The following MCM4 variants were observed in gnomAD, a reference collection of about 807,000 sequenced individuals.
MCM4 encodes the protein DNA replication licensing factor MCM4.
MCM4 carries 60 observed loss-of-function variants against 88.7 expected under a neutral mutation model. The observed-to-expected ratio is 0.68, with a 90% CI of 0.55 to 0.84. MCM4 has a LOEUF of 0.84. Ranked by LOEUF, MCM4 falls within the 40% of genes least tolerant of loss-of-function variation. MCM4 has a pLI of 0.00. For synonymous variants in MCM4, 465 were observed against 410.5 expected, an observed-to-expected ratio of 1.13 and a Z score of -1.61; for missense variants, 1,149 against 1,105.5, an observed-to-expected ratio of 1.04 and a Z score of -0.56.
chr8:47,976,034 C>G lies in MCM4; in HGVS notation c.2499+186C>G, dbSNP rs150230360. On this transcript the variant is annotated intron_variant, in intron 16 of 16. Coordinates refer to ENST00000649973, the MANE Select transcript of MCM4 (RefSeq NM_182746.3). ...ATTTTTGGCTGGGTGCAGTAGCTCA[C>G]GCCTGTAATCTCATTTGGGACGCTG... is the stretch of plus-strand genomic sequence containing the variant. 5.4e-3 allele frequency among the ~76,000 whole-genome samples: 822 copies of G among 152,122 alleles called. 3 individuals carry two copies. The highest frequency in any genetic ancestry group is 0.019 in the African/African-American group (792 of 41,476).
At chr8:47,975,643 A>G (rs2090994548) in intron 15 of MCM4, 72 bp from the exon 16 acceptor site, 7 of 1,212,850 alleles carry the variant, frequency 5.8e-6, no homozygotes, top group African/African-American at 1.6e-5. Flanking sequence ...TACTAAAGGA[A>G]TATTTTTGAG....
intron 7 of MCM4, 73 bp downstream of exon 7, chr8:47,963,113 C>A (rs2090862438): frequency 2.2e-6 from 2 of 904,126 alleles, no homozygotes; most frequent in South Asian, 3.2e-5. Context: ...AACAGAAATT[C>A]TTCAGTAATG....
In MCM4 at chr8:47,974,612, G is replaced by A. The variant is rs1301391385; in HGVS notation, c.2137-122G>A. On this transcript the variant is annotated intron_variant, in intron 14 of 16. Coordinates refer to ENST00000649973, the MANE Select transcript of MCM4 (RefSeq NM_182746.3). ...TCTCTACCACTTGATGAGCTCCGGG[G>A]CCCAGGACCATATCTGAGTTCCGTT... The A allele has an allele frequency of 5.3e-6, 4 of 757,882 alleles. No individual in the cohort carries two copies. In the African/African-American group the frequency reaches 7.0e-5, roughly 13 times the overall value. 46.9% of individuals were successfully genotyped at this position (757,882 alleles called of 1,614,324 possible).
At chr8:47,974,366 G>A (rs528381506) in intron 14 of MCM4, 18 of 203,528 alleles carry the variant, frequency 8.8e-5, no homozygotes, top group Non-Finnish European at 1.5e-4. Context: ...TCCCAGACAG[G>A]CCTGATTCTC....
chr8:47,964,809 C>T (rs1234920878), intron 8 of MCM4, 97 bp downstream of exon 8: 9 of 1,013,974 alleles, frequency 8.9e-6, no homozygotes, highest in South Asian at 1.8e-5. Flanking sequence ...AAGTAATTGG[C>T]GGTGGTAGTC....
At chr8:47,973,138 A>G (rs2090971014) in intron 14 of MCM4, 74 bp downstream of exon 14, 2 of 1,233,974 alleles carry the variant, frequency 1.6e-6, no homozygotes, top group Non-Finnish European at 1.1e-6. Context: ...CATCTCCTTT[A>G]AAATATTAAT....
chr8:47,975,774 A>G lies in MCM4; in HGVS notation c.2425A>G (p.Ile809Val). The change falls in exon 16 of 17, where the codon ATT (isoleucine) becomes GTT (valine). Residue 809 changes from isoleucine (I) to valine (V), a missense_variant. Ile to Val is a conservative substitution (Grantham distance 29). Coordinates refer to ENST00000649973, the MANE Select transcript of MCM4 (RefSeq NM_182746.3). ...ATTAGCTGAAGCATTGAAAAAGCTT[A>G]TTTTATCTAAGGGCAAAACACCAGC... ...EELAEALKKLILSKGKTPALK... is the reference protein window; with the variant it reads ...EELAEALKKLVLSKGKTPALK... 1 of 1,587,166 alleles carries G rather than the reference A, an allele frequency of 6.3e-7. No individual in the cohort carries two copies. Among genetic ancestry groups the G allele is most frequent in the Non-Finnish European group, 8.5e-7 (1 of 1,170,360 alleles).
rs1318817035 is a variant in MCM4, at chr8:47,966,418, ACCCTGGCCCC to A, written c.1053+14_1053+23del. The A allele has an allele frequency of 6.3e-7, 1 of 1,596,724 alleles. No homozygotes were observed. The highest frequency in any genetic ancestry group is 1.1e-5 in the South Asian group (1 of 89,788). On this transcript the variant is annotated intron_variant, in intron 9 of 16. Transcript: ENST00000649973. ...TCTGACAAGCAGATGGTGCGCAGCCACCCTGGCCCCCCAGGCTATGCTTTGCCTGTCTGTA... is the reference window on the plus strand; with the variant it reads ...TCTGACAAGCAGATGGTGCGCAGCCACCAGGCTATGCTTTGCCTGTCTGTA...
chr8:47,962,648 A>G (rs1397421364), intron 5 of MCM4, 116 bp from the exon 6 acceptor site: 1 of 748,568 alleles, frequency 1.3e-6, no homozygotes, highest in African/African-American at 1.8e-5. Context: ...AAAAAGGAAG[A>G]AAAATATTAT....
intron 1 of MCM4, 49 bp from the exon 2 acceptor site, chr8:47,961,082 C>G (rs2090820105): frequency 6.7e-7 from 1 of 1,484,930 alleles, no homozygotes; most frequent in Admixed American, 2.1e-5. Flanking sequence ...CGGAGCAGGG[C>G]AGGGAAGCCG....
At chr8:47,970,259 T>A (rs1460798244) in intron 11 of MCM4, among the ~76,000 whole-genome samples, 2 of 152,198 alleles carry the variant, frequency 1.3e-5, no homozygotes, top group Non-Finnish European at 2.9e-5. Context: ...AACTTAGGTT[T>A]CTAAACAGAA....
Position 47,972,983 on chromosome 8 carries a change from G to A in MCM4, c.2055G>A (p.Ala685=), listed in dbSNP as rs766679718. 65 of 1,613,974 alleles carry A rather than the reference G, an allele frequency of 4.0e-5. No homozygotes were observed. Among genetic ancestry groups the A allele is most frequent in the East Asian group, 6.7e-5 (3 of 44,884 alleles). ...EQAEEELLDM[A]VLKDYIAYAH... Reference sequence around the variant, plus strand: ...CAGAGGAGGAGCTCCTGGACATGGCGGTGCTAAAGGACTACATTGCCTACG... The same window carrying A: ...CAGAGGAGGAGCTCCTGGACATGGCAGTGCTAAAGGACTACATTGCCTACG... Residue 685 remains alanine (A), a synonymous_variant, in exon 14 of 17, where the codon GCG becomes GCA. Transcript: ENST00000649973.
At chr8:47,971,202 A>G (rs2090950675) in intron 12 of MCM4, 139 bp from the exon 13 acceptor site, 2 of 961,204 alleles carry the variant, frequency 2.1e-6, no homozygotes, top group African/African-American at 1.6e-5. Context: ...GAACTGCTGA[A>G]GTCAGTAAAG....
chr8:47,966,367 C>T lies in MCM4; in HGVS notation c.1013C>T (p.Ala338Val). ...CGRCHTTHSM[A>V]LIHNRSLFSD... is the part of the protein sequence containing the mutation. The stretch of plus-strand genomic sequence containing the variant: ...CGCTGCCACACCACCCACAGCATGG[C>T]ACTCATCCACAACCGCTCCCTCTTC... Residue 338 changes from alanine to valine, a missense_variant, in exon 9 of 17, where the codon GCA becomes GTA. Coordinates refer to ENST00000649973, the MANE Select transcript of MCM4 (RefSeq NM_182746.3). 6.2e-7 allele frequency: 1 copy of T among 1,613,716 alleles called. No individual in the cohort carries two copies.
chr8:47,965,356 G>C (rs1448038346), intron 8 of MCM4, among the ~76,000 whole-genome samples: 2 of 152,158 alleles, frequency 1.3e-5, no homozygotes, highest in Non-Finnish European at 2.9e-5. Flanking sequence ...TGTAATCCTA[G>C]CACTCTGGGA....
At chr8:47,970,410 T>C in intron 11 of MCM4, 101 bp from the exon 12 acceptor site, 2 of 1,411,906 alleles carry the variant, frequency 1.4e-6, no homozygotes, top group Non-Finnish European at 9.6e-7. Flanking sequence ...GATTTCTTAA[T>C]TGTAGTTCTT....
At chr8:47,962,467 A>C in intron 5 of MCM4, 61 bp downstream of exon 5, 4 of 1,514,942 alleles carry the variant, frequency 2.6e-6, no homozygotes, top group Non-Finnish European at 3.7e-6. Flanking sequence ...GACCGTGTTT[A>C]TAATCTATAT....
Position 47,960,948 on chromosome 8 carries a change from G to A in MCM4, c.-81G>A, listed in dbSNP as rs979262589. ...GCGGGAACTCTGGGTCTCGCGGTTTGGGAGCGCTACTCGCCAGGTGGACTC... is the reference window on the plus strand; with the variant it reads ...GCGGGAACTCTGGGTCTCGCGGTTTAGGAGCGCTACTCGCCAGGTGGACTC... On this transcript the variant is annotated 5_prime_UTR_variant, in exon 1 of 17. Coordinates refer to ENST00000649973, the MANE Select transcript of MCM4 (RefSeq NM_182746.3). 6.6e-5 allele frequency: 36 copies of A among 542,460 alleles called. No individual in the cohort carries two copies. The highest frequency in any genetic ancestry group is 1.0e-4 in the Non-Finnish European group (33 of 325,800). 33.6% of individuals were successfully genotyped at this position (542,460 alleles called of 1,614,324 possible).
intron 13 of MCM4, among the ~76,000 whole-genome samples, chr8:47,972,359 G>A (rs1039420343): frequency 1.3e-5 from 2 of 152,076 alleles, no homozygotes; most frequent in Non-Finnish European, 2.9e-5. Context: ...TAAGGACTAG[G>A]GACAGCACAG....
Sources: gnomAD v4.1 joint callset for allele counts (sites outside exome capture counted in the v4.1 genomes callset) on GRCh38, gnomAD v4.1.1 for gene constraint, MANE v1.5 for transcripts, NCBI Gene and HGNC (gene_info 2026-07-23, HGNC 2026-07-21) for gene names.